PKN2: variants seen among roughly 807,000 people sequenced by gnomAD.
The protein encoded by PKN2 is protein kinase N2, also known as serine/threonine-protein kinase N2.
Under a neutral mutation model 119.1 loss-of-function variants are expected in PKN2, and 38 were observed. That is an observed-to-expected ratio of 0.32 (90% confidence interval 0.25 to 0.42). The LOEUF (loss-of-function observed/expected upper bound fraction) is 0.42, where lower values mean the gene tolerates loss of function less well. PKN2 is among the 10% of genes least tolerant of loss of function. The probability of loss-of-function intolerance (pLI) is 1.00; values close to 1 mark genes in which losing one functional copy is unlikely to be tolerated. For missense variants in PKN2, 850 were observed against 1,165.1 expected, an observed-to-expected ratio of 0.73 and a Z score of 3.94; for synonymous variants, 390 against 384.9, an observed-to-expected ratio of 1.01 and a Z score of -0.15.
At chr1:88,776,809 A>G (rs1670128767) in intron 6 of PKN2, among the ~76,000 whole-genome samples, 1 of 151,082 alleles carries the variant, frequency 6.6e-6, no homozygotes. Context: ...TCCACTGTTA[A>G]TGTTACTGAG....
At chr1:88,816,157 A>G (rs893395629) in intron 16 of PKN2, among the ~76,000 whole-genome samples, 7 of 151,972 alleles carry the variant, frequency 4.6e-5, no homozygotes, top group South Asian at 2.1e-4. Flanking sequence ...AAAAGAGAGA[A>G]ATCAAGGTAT....
At chr1:88,807,491 T>G in intron 13 of PKN2, 38 bp from the exon 14 acceptor site, 1 of 1,603,066 alleles carries the variant, frequency 6.2e-7, no homozygotes, top group Non-Finnish European at 8.5e-7. Flanking sequence ...GGTACCATAC[T>G]TTATTGTCTT....
At chr1:88,713,285 T>G (rs1482211325) in intron 1 of PKN2, among the ~76,000 whole-genome samples, 1 of 152,226 alleles carries the variant, frequency 6.6e-6, no homozygotes, top group Non-Finnish European at 1.5e-5. Flanking sequence ...TTTGGGTATA[T>G]ACCCAGTTAA....
chr1:88,826,369 G>A (rs1308935124), intron 18 of PKN2, among the ~76,000 whole-genome samples: 1 of 152,052 alleles, frequency 6.6e-6, no homozygotes, highest in African/African-American at 2.4e-5. Context: ...CATATCTCCT[G>A]TAATTTATAA....
chr1:88,816,663 A>G (rs1269133074), intron 16 of PKN2: 1 of 152,176 alleles, frequency 6.6e-6, no homozygotes, highest in Non-Finnish European at 1.5e-5. Context: ...AAGTAGTTGC[A>G]TTTTATTTTT....
chr1:88,749,377 C>T (rs569910661), intron 2 of PKN2, among the ~76,000 whole-genome samples: 1 of 150,912 alleles, frequency 6.6e-6, no homozygotes, highest in East Asian at 1.9e-4. Context: ...TGCACTCCAG[C>T]CCGGCGACAG....
Position 88,752,549 on chromosome 1 carries a change from T to C in PKN2, c.350-7673T>C, listed in dbSNP as rs564148838. 1.1e-4 allele frequency among the ~76,000 whole-genome samples: 16 copies of C among 152,230 alleles called. 1 individual carries two copies. The highest frequency in any genetic ancestry group is 3.6e-4 in the African/African-American group (15 of 41,572). ...CAGATTTGCTATATTTTTAAAAAAT[T>C]TGCCAGTTTTTTCTTTATTTTGTTC... On this transcript the variant is annotated intron_variant, in intron 2 of 21. Transcript: ENST00000370521.
At chr1:88,804,656 C>G (rs550648414) in intron 9 of PKN2, 122 bp downstream of exon 9, 234 of 958,442 alleles carry the variant, frequency 2.4e-4, no homozygotes, top group Admixed American at 4.9e-4. Flanking sequence ...CTTGGCTGAG[C>G]TATGCCACTG....
At chr1:88,802,974 T>C (rs1671384611) in intron 8 of PKN2, among the ~76,000 whole-genome samples, 1 of 152,216 alleles carries the variant, frequency 6.6e-6, no homozygotes, top group Non-Finnish European at 1.5e-5. Context: ...TTCCTCCAGT[T>C]TATTTCACAA....
At chr1:88,793,989 A>T (rs554128363) in intron 8 of PKN2, among the ~76,000 whole-genome samples, 24 of 152,336 alleles carry the variant, frequency 1.6e-4, no homozygotes, top group Middle Eastern at 3.4e-3. Flanking sequence ...ACCACTATTT[A>T]AACTTCTTTG....
In PKN2 at chr1:88,719,996, G is replaced by A. The variant is rs372480554; in HGVS notation, c.49-20992G>A. Among the ~76,000 whole-genome samples, 6 of 152,132 alleles carry A rather than the reference G, an allele frequency of 3.9e-5. 1 individual carries two copies. Among genetic ancestry groups the A allele is most frequent in the African/African-American group, 7.2e-5 (3 of 41,514 alleles). On this transcript the variant is annotated intron_variant, in intron 1 of 21. Transcript: ENST00000370521. ...ACACAAGTAGTAAGTGATAGAGCTG[G>A]GATTTTGAACTAGGAGTCAAAATGT...
chr1:88,724,882 G>GTTTTTTTTTTTTTTTTTTTTTTTTTTTT (rs60507382), intron 1 of PKN2, among the ~76,000 whole-genome samples: 1 of 106,012 alleles, frequency 9.4e-6, no homozygotes, highest in African/African-American at 4.3e-5. Flanking sequence ...CCACCCCTTG[G>GTTTTTTTTTTTTTTTTTTTTTTTTTTTT]TTTTTTTTTT....
chr1:88,730,096 C>T (rs949288654), intron 1 of PKN2, among the ~76,000 whole-genome samples: 10 of 151,390 alleles, frequency 6.6e-5, no homozygotes, highest in African/African-American at 9.7e-5. Context: ...ACCCGGGAGG[C>T]GGAGCTTGCA....
At chr1:88,782,575 A>G (rs902420834) in intron 6 of PKN2, among the ~76,000 whole-genome samples, 3 of 151,882 alleles carry the variant, frequency 2.0e-5, no homozygotes, top group African/African-American at 7.3e-5. Flanking sequence ...AAGGACACTA[A>G]TCTTTTCTTT....
intron 12 of PKN2, 75 bp downstream of exon 12, chr1:88,806,092 C>A: frequency 2.4e-6 from 3 of 1,225,850 alleles, no homozygotes; most frequent in Non-Finnish European, 3.5e-6. Context: ...GTGAATAAGG[C>A]GTGTCTTTCC....
Position 88,786,213 on chromosome 1 carries a change from G to A in PKN2, c.1281G>A (p.Arg427=). ...AGAAGTTTACACTGGAACTGGACAG[G>A]GTAAGAGGACTAACATTTTACTTGA... ...WDQKFTLELD[R]SRELEISVYW... The change falls in exon 8 of 22, where the codon AGG becomes AGA. Residue 427 remains arginine, a splice_region_variant and synonymous_variant. Transcript: ENST00000370521. 9 of 1,447,376 alleles carry A rather than the reference G, an allele frequency of 6.2e-6. No individual in the cohort carries two copies. Among genetic ancestry groups the A allele is most frequent in the Non-Finnish European group, 8.7e-6 (9 of 1,040,018 alleles). The allele number at this position is 1,447,376 out of a possible 1,614,324, so 89.7% of individuals were successfully genotyped here. A position where few individuals can be genotyped will look rare whatever the true frequency, so the allele number is the denominator to read the frequency against.
At chr1:88,799,605 C>A (rs1483083406) in intron 8 of PKN2, among the ~76,000 whole-genome samples, 1 of 152,188 alleles carries the variant, frequency 6.6e-6, no homozygotes, top group Admixed American at 6.6e-5. Context: ...TCCCTTTCTC[C>A]TTCCTTGCCT....
At chr1:88,716,372 T>A (rs1242055564) in intron 1 of PKN2, among the ~76,000 whole-genome samples, 1 of 152,240 alleles carries the variant, frequency 6.6e-6, no homozygotes, top group Non-Finnish European at 1.5e-5. Context: ...CTCGTTGATC[T>A]GTCTAATGTT....
chr1:88,741,128 A>G lies in PKN2; in HGVS notation c.189A>G (p.Lys63=), dbSNP rs1186598577. 1 of 1,612,972 alleles carries G rather than the reference A, an allele frequency of 6.2e-7. No homozygotes were observed. The highest frequency in any genetic ancestry group is 1.3e-5 in the African/African-American group (1 of 74,898). Residue 63 remains lysine, a synonymous_variant, in exon 2 of 22, where the codon AAA becomes AAG. Transcript: ENST00000370521. ...AAATAAGGAAAGAACTGAAAATCAA[A>G]GAAGGAGCTGAAAATCTGAGGAAAG... is the stretch of plus-strand genomic sequence containing the variant. ...KREIRKELKI[K]EGAENLRKVT...
Sources: allele counts gnomAD v4.1 joint callset (sites outside exome capture counted in the v4.1 genomes callset), GRCh38; gene constraint gnomAD v4.1.1; transcripts MANE v1.5; gene names NCBI Gene and HGNC (gene_info 2026-07-23, HGNC 2026-07-21).